The following ZNF385D variants were observed in gnomAD, a reference collection of about 807,000 sequenced individuals.
ZNF385D encodes the protein zinc finger protein 385D.
A neutral mutation model predicts 35.8 loss-of-function variants in ZNF385D; 15 were observed. That is an observed-to-expected ratio of 0.42 (90% CI 0.28 to 0.64). The LOEUF (loss-of-function observed/expected upper bound fraction) is 0.64, where lower values mean the gene tolerates loss of function less well. Ranked by LOEUF, ZNF385D falls within the 30% of genes least tolerant of loss-of-function variation. The probability of loss-of-function intolerance (pLI) is 0.23; values close to 1 mark genes in which losing one functional copy is unlikely to be tolerated. For synonymous variants in ZNF385D, 212 were observed against 186.8 expected, an observed-to-expected ratio of 1.13 and a Z score of -1.10; for missense variants, 474 against 494.6, an observed-to-expected ratio of 0.96 and a Z score of 0.39.
chr3:21,762,797 A>G (rs1016683926), intron 3 of ZNF385D, among the ~76,000 whole-genome samples: 1 of 152,142 alleles, frequency 6.6e-6, no homozygotes, highest in African/African-American at 2.4e-5. Context: ...ATATCCAGTG[A>G]TCAATATGGG....
intron 3 of ZNF385D, among the ~76,000 whole-genome samples, chr3:21,531,794 C>T (rs994637315): frequency 6.6e-6 from 1 of 152,166 alleles, no homozygotes; most frequent in African/African-American, 2.4e-5. Context: ...GGCAATGAAG[C>T]TATTCTGTAT....
At chr3:21,608,038 G>GTTTTTTTTTTTTTTTTTTTTTT (rs1303902241) in intron 2 of ZNF385D, among the ~76,000 whole-genome samples, 2 of 54,694 alleles carry the variant, frequency 3.7e-5, no homozygotes, top group African/African-American at 1.3e-4. Context: ...TTTTTTTTGA[G>GTTTTTTTTTTTTTTTTTTTTTT]TCTTGCTGTC....
chr3:21,994,979 G>A (rs1406684170), intron 3 of ZNF385D, among the ~76,000 whole-genome samples: 1 of 152,238 alleles, frequency 6.6e-6, no homozygotes, highest in Non-Finnish European at 1.5e-5. Context: ...GCATACATGT[G>A]CAGTGATGTT....
chr3:21,820,418 A>G (rs1205997988), intron 3 of ZNF385D, among the ~76,000 whole-genome samples: 1 of 151,932 alleles, frequency 6.6e-6, no homozygotes, highest in Non-Finnish European at 1.5e-5. Flanking sequence ...AAATCAAATT[A>G]TGCAAATACT....
intron 2 of ZNF385D, among the ~76,000 whole-genome samples, chr3:22,234,502 G>C (rs1388389154): frequency 6.6e-6 from 1 of 151,034 alleles, no homozygotes; most frequent in African/African-American, 2.4e-5. Flanking sequence ...TTTCGTTCCT[G>C]AACTTGTTTC....
Position 21,751,005 on chromosome 3 carries a change from A to G in ZNF385D, c.-89T>C, listed in dbSNP as rs2070049286. On this transcript the variant is annotated 5_prime_UTR_variant, in exon 1 of 8. The change abolishes an upstream ATG in the 5' untranslated region. Transcript: ENST00000281523. ...GTAGAGCAGAGCCCTTTCATGCTACATTCGGTGGAAATGTCCCCGGCGTGG... is the reference window on the plus strand; with the variant it reads ...GTAGAGCAGAGCCCTTTCATGCTACGTTCGGTGGAAATGTCCCCGGCGTGG... 1 of 1,609,476 alleles carries G rather than the reference A, an allele frequency of 6.2e-7. No homozygotes were observed. Among genetic ancestry groups the G allele is most frequent in the Non-Finnish European group, 8.5e-7 (1 of 1,178,076 alleles).
At position 22,215,159 on chromosome 3, in the gene ZNF385D, A is replaced by G. The variant is rs546369114; in HGVS notation, c.107-46124T>C. Among the ~76,000 whole-genome samples, 12 of 152,036 alleles carry G rather than the reference A, an allele frequency of 7.9e-5. No homozygotes were observed. The South Asian group carries it at 2.3e-3, about 29-fold the overall frequency. On this transcript the variant is annotated intron_variant, in intron 2 of 5. Coordinates refer to the ZNF385D transcript ENST00000494108. ...GATATCTAGCTGAATTTTCCCCAAT[A>G]TCTGGCGCCCATGTGGTCTTTCTTA... is the stretch of plus-strand genomic sequence containing the variant.
intron 2 of ZNF385D, among the ~76,000 whole-genome samples, chr3:22,288,404 A>G (rs750612371): frequency 6.6e-6 from 1 of 151,738 alleles, no homozygotes; most frequent in Non-Finnish European, 1.5e-5. Context: ...ACCGTTTCCC[A>G]TAATTTTCTT....
At chr3:21,434,046 T>A (rs923878444) in intron 5 of ZNF385D, among the ~76,000 whole-genome samples, 2 of 152,196 alleles carry the variant, frequency 1.3e-5, no homozygotes, top group Non-Finnish European at 2.9e-5. Flanking sequence ...AAATTAACAA[T>A]GATAGCACAG....
At chr3:22,128,662 T>C (rs1403340160) in intron 3 of ZNF385D, among the ~76,000 whole-genome samples, 2 of 152,174 alleles carry the variant, frequency 1.3e-5, no homozygotes, top group African/African-American at 4.8e-5. Context: ...TGAGAGACTC[T>C]GTTGCATTCT....
At chr3:22,008,606 A>T (rs893205494) in intron 3 of ZNF385D, among the ~76,000 whole-genome samples, 7 of 151,874 alleles carry the variant, frequency 4.6e-5, no homozygotes, top group African/African-American at 1.7e-4. Context: ...TCCGCCCACC[A>T]CGGCCTCCCA....
At chr3:21,694,388 C>T (rs182610570) in intron 1 of ZNF385D, among the ~76,000 whole-genome samples, 2 of 152,124 alleles carry the variant, frequency 1.3e-5, no homozygotes, top group African/African-American at 4.8e-5. Flanking sequence ...ATAGGACAAA[C>T]CTCACAATTC....
At chr3:21,707,669 G>C (rs1459432754) in intron 1 of ZNF385D, among the ~76,000 whole-genome samples, 1 of 152,188 alleles carries the variant, frequency 6.6e-6, no homozygotes, top group African/African-American at 2.4e-5. Context: ...GCAGCATTTG[G>C]AAAGGGCATG....
intron 2 of ZNF385D, among the ~76,000 whole-genome samples, chr3:22,260,900 A>C (rs546297758): frequency 6.6e-6 from 1 of 152,076 alleles, no homozygotes; most frequent in Non-Finnish European, 1.5e-5. Flanking sequence ...TAGAACAATA[A>C]GTTTAATAAA....
chr3:21,854,105 G>A (rs1163049362), intron 3 of ZNF385D, among the ~76,000 whole-genome samples: 2 of 151,828 alleles, frequency 1.3e-5, no homozygotes, highest in African/African-American at 4.8e-5. Flanking sequence ...AAACAAGAAA[G>A]ATAGTACTGC....
intron 2 of ZNF385D, among the ~76,000 whole-genome samples, chr3:21,654,779 A>G (rs2066023738): frequency 6.6e-6 from 1 of 152,090 alleles, no homozygotes; most frequent in African/African-American, 2.4e-5. Context: ...AAATACCTCT[A>G]AATGCTCACT....
chr3:22,348,521 A>C (rs1695766098), intron 2 of ZNF385D, among the ~76,000 whole-genome samples: 1 of 149,640 alleles, frequency 6.7e-6, no homozygotes, highest in African/African-American at 2.5e-5. Flanking sequence ...AAAATTAGCC[A>C]AGTGTGGTGG....
chr3:21,933,546 C>T (rs959135947), intron 3 of ZNF385D, among the ~76,000 whole-genome samples: 2 of 152,150 alleles, frequency 1.3e-5, no homozygotes, highest in African/African-American at 4.8e-5. Flanking sequence ...CCTAGATCTG[C>T]TTTGTACTAT....
intron 2 of ZNF385D, among the ~76,000 whole-genome samples, chr3:22,324,973 ATC>A (rs1234166920): frequency 6.6e-5 from 10 of 152,238 alleles, no homozygotes; most frequent in Non-Finnish European, 1.2e-4. Context: ...CTCTCTGTGT[ATC>A]TGTTTCTTTG....
Sources: gnomAD v4.1 joint callset for allele counts (sites outside exome capture counted in the v4.1 genomes callset) on GRCh38, gnomAD v4.1.1 for gene constraint, MANE v1.5 for transcripts, NCBI Gene and HGNC (gene_info 2026-07-23, HGNC 2026-07-21) for gene names.